Variants in GLIS2 observed in about 807,000 individuals in gnomAD.
GLIS2 encodes GLIS family zinc finger 2.
A neutral mutation model predicts 35.6 loss-of-function variants in GLIS2; 14 were observed. That is an observed-to-expected ratio of 0.39 (90% CI 0.26 to 0.61). GLIS2 has a LOEUF of 0.61. GLIS2 is among the 20% of genes least tolerant of loss of function. GLIS2 has a pLI of 0.48. For missense variants in GLIS2, 675 were observed against 713.4 expected (o/e 0.95, Z 0.61); for synonymous variants, 368 against 325.1 (o/e 1.13, Z -1.42).
At position 4,332,522 on chromosome 16, in the gene GLIS2, T is replaced by C. The variant is rs2053509401; in HGVS notation, c.172+70T>C. 12 of 1,550,112 alleles carry C rather than the reference T, an allele frequency of 7.7e-6. 1 individual carries two copies. The South Asian group carries it at 1.3e-4, about 16-fold the overall frequency. ...CATGGTGACAGGGAGAATGGCCAAGTGTGTCCACCAGCATGTAGCTGCAGC... is the reference window on the plus strand; with the variant it reads ...CATGGTGACAGGGAGAATGGCCAAGCGTGTCCACCAGCATGTAGCTGCAGC... On this transcript the variant is annotated intron_variant, in intron 2 of 6. Coordinates refer to ENST00000433375, the MANE Select transcript of GLIS2 (RefSeq NM_032575.3). This position sits in a 1 kb window ranked among gnomAD's most constrained non-coding sequence, Gnocchi z 5.4.
At position 4,333,342 on chromosome 16, in the gene GLIS2, C is replaced by G; in HGVS notation, c.173-5C>G. On this transcript the variant is annotated splice_polypyrimidine_tract_variant and splice_region_variant and intron_variant, in intron 2 of 6. Transcript: ENST00000433375. Reference sequence around the variant, plus strand: ...AGCACACCCTGAACTGTGCCTCTCCCTCAGGCTTCCTGCTGAACTCCAAGT... The same window carrying G: ...AGCACACCCTGAACTGTGCCTCTCCGTCAGGCTTCCTGCTGAACTCCAAGT... The G allele has an allele frequency of 6.2e-7, 1 of 1,612,952 alleles. No homozygotes were observed. The highest frequency in any genetic ancestry group is 8.5e-7 in the Non-Finnish European group (1 of 1,180,018).
chr16:4,318,928 G>T (rs1290178028), intron 1 of GLIS2, among the ~76,000 whole-genome samples: 4 of 152,242 alleles, frequency 2.6e-5, no homozygotes, highest in African/African-American at 9.6e-5. Context: ...TCTGGATGAG[G>T]GAGGGTGGCG....
At chr16:4,325,975 A>G (rs1369060053) in intron 1 of GLIS2, among the ~76,000 whole-genome samples, 1 of 143,396 alleles carries the variant, frequency 7.0e-6, no homozygotes, top group Non-Finnish European at 1.5e-5. Flanking sequence ...TTGGTGGCTC[A>G]CGCCTGTAAT....
intron 1 of GLIS2, chr16:4,329,310 G>A (rs565111931): frequency 3.9e-5 from 6 of 152,322 alleles, no homozygotes; most frequent in Admixed American, 3.3e-4. Context: ...GCTAGCGGGG[G>A]TGTGGTCCCT....
Position 4,333,332 on chromosome 16 carries a change from G to T in GLIS2, c.173-15G>T, listed in dbSNP as rs556411974. ...TCTACACTCCAGCACACCCTGAACTGTGCCTCTCCCTCAGGCTTCCTGCTG... is the reference window on the plus strand; with the variant it reads ...TCTACACTCCAGCACACCCTGAACTTTGCCTCTCCCTCAGGCTTCCTGCTG... On this transcript the variant is annotated splice_polypyrimidine_tract_variant and intron_variant, in intron 2 of 6. Transcript: ENST00000433375. 2 of 1,612,656 alleles carry T rather than the reference G, an allele frequency of 1.2e-6. No homozygotes were observed. The highest frequency in any genetic ancestry group is 2.7e-5 in the African/African-American group (2 of 75,042).
intron 1 of GLIS2, among the ~76,000 whole-genome samples, chr16:4,327,707 G>T (rs1382621569): frequency 6.6e-6 from 1 of 151,868 alleles, no homozygotes; most frequent in South Asian, 2.1e-4. Context: ...CCGCCCTGCG[G>T]TGGGTGGGAA....
upstream of GLIS2, chr16:4,315,184 T>A (rs546543035): frequency 1.3e-5 from 2 of 152,154 alleles, no homozygotes; most frequent in Non-Finnish European, 2.9e-5. Flanking sequence ...GAAGCTCGGA[T>A]TGCTCGGCAT....
Position 4,334,817 on chromosome 16 carries a change from G to A in GLIS2, c.362G>A (p.Arg121His), listed in dbSNP as rs113269622. The A allele has an allele frequency of 1.8e-5, 29 of 1,613,472 alleles. No individual in the cohort carries two copies. Among genetic ancestry groups the A allele is most frequent in the African/African-American group, 8.0e-5 (6 of 75,008 alleles). Residue 121 changes from arginine to histidine, a missense_variant, in exon 4 of 7, where the codon CGC becomes CAC. Physicochemically the swap from Arg to His is conservative, Grantham distance 29. Transcript: ENST00000433375. ...GCACCCCAGGACTTCCAGCCACTGCGCTATTTGGATGGTGTCCCCAGCTCC... is the reference window on the plus strand; with the variant it reads ...GCACCCCAGGACTTCCAGCCACTGCACTATTTGGATGGTGTCCCCAGCTCC... ...VPSASDFQPL[R>H]YLDGVPSSFQ...
At chr16:4,321,567 A>G (rs754156554) in intron 1 of GLIS2, among the ~76,000 whole-genome samples, 3 of 152,182 alleles carry the variant, frequency 2.0e-5, no homozygotes, top group African/African-American at 4.8e-5. Flanking sequence ...TCCTCTCAGC[A>G]GGCCCCCTCC....
rs2053509730 is a variant in GLIS2 at position 4,332,564 on chromosome 16, T to C, written c.172+112T>C. ...AGCTGCAGCCCCTCTCGGCTTCCGG[T>C]TCATGGGAAGCCCGCACGCTTGTCC... On this transcript the variant is annotated intron_variant, in intron 2 of 6. Transcript: ENST00000433375. This position sits in a 1 kb window ranked among gnomAD's most constrained non-coding sequence, Gnocchi z 5.4. 2.3e-6 allele frequency: 3 copies of C among 1,294,862 alleles called. No individual in the cohort carries two copies. The Admixed American group carries it at 5.9e-5, about 26-fold the overall frequency. 80.2% of individuals were successfully genotyped at this position (1,294,862 alleles called of 1,614,324 possible). A position where few individuals can be genotyped will look rare whatever the true frequency, so the allele number is the denominator to read the frequency against.
At chr16:4,334,292 C>T (rs1317039055) in intron 3 of GLIS2, among the ~76,000 whole-genome samples, 3 of 135,568 alleles carry the variant, frequency 2.2e-5, no homozygotes, top group Non-Finnish European at 4.6e-5. Flanking sequence ...GGCTGGAGTG[C>T]AGTGGCATGA....
intron 1 of GLIS2, among the ~76,000 whole-genome samples, chr16:4,322,890 T>C (rs1317498354): frequency 6.6e-6 from 1 of 152,168 alleles, no homozygotes; most frequent in Non-Finnish European, 1.5e-5. Flanking sequence ...GAGCTCCTTG[T>C]GGGATCTGCC....
chr16:4,322,538 C>T (rs541440963), intron 1 of GLIS2, among the ~76,000 whole-genome samples: 4 of 152,268 alleles, frequency 2.6e-5, no homozygotes, highest in South Asian at 2.1e-4. Context: ...GGCGCCGACC[C>T]GCAGGGCTCC....
chr16:4,336,211 A>C, intron 6 of GLIS2: 1 of 264,032 alleles, frequency 3.8e-6, no homozygotes, highest in Non-Finnish European at 7.5e-6. Flanking sequence ...CAGTGGCATG[A>C]TCTTGGCCCA....
chr16:4,330,569 C>A (rs986450122), intron 1 of GLIS2, among the ~76,000 whole-genome samples: 1 of 152,190 alleles, frequency 6.6e-6, no homozygotes, highest in African/African-American at 2.4e-5. Flanking sequence ...TGGCTGTGCC[C>A]ACTTTCTCGG....
At chr16:4,317,154 G>A (rs1408183513) in intron 1 of GLIS2, among the ~76,000 whole-genome samples, 1 of 152,302 alleles carries the variant, frequency 6.6e-6, no homozygotes, top group East Asian at 1.9e-4. Context: ...GTTTCAAGGA[G>A]TTGCCCAGCC....
At position 4,337,994 on chromosome 16, in the gene GLIS2, T is replaced by G; in HGVS notation, c.*470T>G. 2 of 238,756 alleles carry G rather than the reference T, an allele frequency of 8.4e-6. No homozygotes were observed. Among genetic ancestry groups the G allele is most frequent in the East Asian group, 2.2e-4 (2 of 9,100 alleles). The allele number at this position is 238,756 out of a possible 1,614,324, so 14.8% of individuals were successfully genotyped here. On this transcript the variant is annotated 3_prime_UTR_variant, in exon 7 of 7. Transcript: ENST00000433375. ...GAGGCCTGCCCTTCCCTCCTAGGCTTACCCAGCCCCTGCCCTGGGGGCTCC... is the reference window on the plus strand; with the variant it reads ...GAGGCCTGCCCTTCCCTCCTAGGCTGACCCAGCCCCTGCCCTGGGGGCTCC...
At chr16:4,318,975 T>G (rs931267386) in intron 1 of GLIS2, among the ~76,000 whole-genome samples, 3 of 151,980 alleles carry the variant, frequency 2.0e-5, no homozygotes, top group Admixed American at 1.3e-4. Context: ...GGAGCTCTTG[T>G]GGGGCATCTT....
rs965719821 is a variant in GLIS2, at chr16:4,322,660, G to A, written c.-67+6406G>A. Among the ~76,000 whole-genome samples, 4 of 146,326 alleles carry A rather than the reference G, an allele frequency of 2.7e-5. No individual in the cohort carries two copies. The Admixed American group carries it at 2.9e-4, about 11-fold the overall frequency. On this transcript the variant is annotated intron_variant, in intron 1 of 6. Transcript: ENST00000433375. ...CTGTTTCTCCCACCCCACCTTGGTCGGGGCACCCTCAAGGTCCGGTTCGAT... is the reference window on the plus strand; with the variant it reads ...CTGTTTCTCCCACCCCACCTTGGTCAGGGCACCCTCAAGGTCCGGTTCGAT...
Sources: allele counts gnomAD v4.1 joint callset (sites outside exome capture counted in the v4.1 genomes callset), GRCh38; gene constraint gnomAD v4.1.1; non-coding constraint Gnocchi (gnomAD v3.1); transcripts MANE v1.5; gene names NCBI Gene and HGNC (gene_info 2026-07-23, HGNC 2026-07-21).